CPXM2: variants seen among roughly 807,000 people sequenced by gnomAD.
The protein encoded by CPXM2 is inactive carboxypeptidase-like protein X2.
In CPXM2, 66 loss-of-function variants were observed where a neutral mutation model predicts 86.1. The ratio of observed to expected loss-of-function variants is 0.77; its 90% CI spans 0.63 to 0.94. The LOEUF (loss-of-function observed/expected upper bound fraction) is 0.94. Among genes scored for constraint, CPXM2 ranks in the 40% least tolerant of loss-of-function variants. The pLI, the probability that CPXM2 is intolerant of heterozygous loss-of-function variation, is 0.00. For missense variants in CPXM2, 948 were observed against 1,026.3 expected (o/e 0.92, Z 1.04); for synonymous variants, 388 against 400.2 (o/e 0.97, Z 0.36).
chr10:123,902,476 T>G (rs1945392697), intron 2 of CPXM2, among the ~76,000 whole-genome samples: 3 of 150,514 alleles, frequency 2.0e-5, no homozygotes, highest in Admixed American at 6.6e-5. Flanking sequence ...AGGGCTGCTA[T>G]AACAGAATAC....
At chr10:123,849,236 A>T (rs546876320) in intron 3 of CPXM2, among the ~76,000 whole-genome samples, 9 of 152,122 alleles carry the variant, frequency 5.9e-5, no homozygotes, top group African/African-American at 2.2e-4. Context: ...AATGCTAATG[A>T]GCTGTACCTT....
In CPXM2 at chr10:123,811,470, C is replaced by T. The variant is rs989030494; in HGVS notation, c.654-12271G>A. On this transcript the variant is annotated intron_variant, in intron 4 of 13. Coordinates refer to ENST00000241305, the MANE Select transcript of CPXM2 (RefSeq NM_198148.3). ...GGATTAGCTACTTAAATGTGACAAG[C>T]GAAACTTAAAACTTAAAAAACCTGA... Among the ~76,000 whole-genome samples, 5 of 151,886 alleles carry T rather than the reference C, an allele frequency of 3.3e-5. No individual in the cohort carries two copies. In the South Asian group the frequency reaches 6.3e-4, roughly 19 times the overall value.
At chr10:123,916,776 CTCTTT>C (rs1250558084) in intron 2 of CPXM2, among the ~76,000 whole-genome samples, 1 of 128,498 alleles carries the variant, frequency 7.8e-6, no homozygotes, top group Non-Finnish European at 1.8e-5. Flanking sequence ...CTCTCTCTCT[CTCTTT>C]TTTTTTTTTC....
intron 2 of CPXM2, among the ~76,000 whole-genome samples, chr10:123,911,501 T>G (rs1019899779): frequency 5.9e-5 from 9 of 151,628 alleles, no homozygotes; most frequent in East Asian, 2.0e-4. Context: ...CAAAAGTAAT[T>G]GTGGGTTTTG....
intron 6 of CPXM2, 88 bp from the exon 7 acceptor site, chr10:123,780,343 C>A: frequency 1.2e-6 from 1 of 860,534 alleles, no homozygotes; most frequent in South Asian, 1.4e-5. Flanking sequence ...ACTGCACGGA[C>A]AGTGCAGCCC....
At chr10:123,793,191 G>A (rs182562089) in intron 6 of CPXM2, among the ~76,000 whole-genome samples, 11 of 152,256 alleles carry the variant, frequency 7.2e-5, no homozygotes, top group Admixed American at 4.6e-4. Flanking sequence ...GAGGCTGGGC[G>A]CAGTGGCTCA....
intron 10 of CPXM2, among the ~76,000 whole-genome samples, chr10:123,763,092 T>A (rs1482183715): frequency 6.6e-6 from 1 of 152,104 alleles, no homozygotes; most frequent in Non-Finnish European, 1.5e-5. Context: ...CAGGCTGGAG[T>A]GCAGTGGCGC....
At chr10:123,937,866 T>A (rs1376164792) in intron 2 of CPXM2, among the ~76,000 whole-genome samples, 1 of 152,144 alleles carries the variant, frequency 6.6e-6, no homozygotes, top group Non-Finnish European at 1.5e-5. Flanking sequence ...GAAATGCCAA[T>A]GTCCCCTGCA....
intron 4 of CPXM2, among the ~76,000 whole-genome samples, chr10:123,835,346 C>A (rs986771814): frequency 6.6e-6 from 1 of 152,272 alleles, no homozygotes; most frequent in East Asian, 1.9e-4. Context: ...GAGATTTCCC[C>A]GTCTGAGAGC....
chr10:123,902,397 T>G (rs1483155920), intron 2 of CPXM2, among the ~76,000 whole-genome samples: 1 of 152,142 alleles, frequency 6.6e-6, no homozygotes, highest in Non-Finnish European at 1.5e-5. Flanking sequence ...AGAATTATGG[T>G]GAGAATTTAA....
chr10:123,887,607 G>A (rs1280911180), intron 1 of CPXM2, among the ~76,000 whole-genome samples: 1 of 152,130 alleles, frequency 6.6e-6, no homozygotes. Flanking sequence ...AGGGGGGAGG[G>A]TGCTACTGGC....
chr10:123,849,466 G>A (rs1848558841), intron 3 of CPXM2, among the ~76,000 whole-genome samples: 1 of 123,576 alleles, frequency 8.1e-6, no homozygotes, highest in South Asian at 2.5e-4. Context: ...TTGAGATGGA[G>A]TTTCGCTCTT....
chr10:123,923,557 G>A (rs1945595988), intron 2 of CPXM2, among the ~76,000 whole-genome samples: 1 of 151,578 alleles, frequency 6.6e-6, no homozygotes, highest in East Asian at 1.9e-4. Context: ...CTCCAGCCTG[G>A]GCGACAGAGC....
intron 2 of CPXM2, among the ~76,000 whole-genome samples, chr10:123,907,154 C>T (rs1159134773): frequency 6.6e-6 from 1 of 152,188 alleles, no homozygotes; most frequent in Non-Finnish European, 1.5e-5. Context: ...CGAGAGACTG[C>T]CACAGCGGTG....
chr10:123,882,374 T>C lies in CPXM2; in HGVS notation c.305-2065A>G, dbSNP rs189776533. ...ACTGCTTTGGCCTGTGTCCTGCTTC[T>C]GTGGGCGGGAACATCCCGGCTGGTG... On this transcript the variant is annotated intron_variant, in intron 1 of 13. Coordinates refer to ENST00000241305, the MANE Select transcript of CPXM2 (RefSeq NM_198148.3). Among the ~76,000 whole-genome samples, 71 of 152,302 alleles carry C rather than the reference T, an allele frequency of 4.7e-4. 1 individual carries two copies. In the East Asian group the frequency reaches 6.0e-3, roughly 13 times the overall value.
intron 2 of CPXM2, among the ~76,000 whole-genome samples, chr10:123,937,803 C>CTCTCTA (rs1242031319): frequency 1.3e-5 from 2 of 152,098 alleles, no homozygotes; most frequent in Non-Finnish European, 2.9e-5. Context: ...TTTCTAAAAT[C>CTCTCTA]AAAGCCTTTA....
intron 7 of CPXM2, among the ~76,000 whole-genome samples, chr10:123,773,380 A>G (rs750228502): frequency 6.6e-6 from 1 of 151,846 alleles, no homozygotes; most frequent in Non-Finnish European, 1.5e-5. Flanking sequence ...TGTGGTTATC[A>G]CTTCCTTTGT....
chr10:123,935,822 C>T (rs1003314764), intron 2 of CPXM2, among the ~76,000 whole-genome samples: 27 of 151,768 alleles, frequency 1.8e-4, no homozygotes, highest in Non-Finnish European at 2.7e-4. Flanking sequence ...GCATCTTCAT[C>T]GCCATCATCA....
chr10:123,835,593 A>T (rs568011316), intron 4 of CPXM2, among the ~76,000 whole-genome samples: 10 of 152,240 alleles, frequency 6.6e-5, no homozygotes, highest in African/African-American at 2.4e-4. Context: ...GAGTTTGGAA[A>T]CTTCTCTCTC....
Sources: gnomAD v4.1 joint callset for allele counts (sites outside exome capture counted in the v4.1 genomes callset) on GRCh38, gnomAD v4.1.1 for gene constraint, MANE v1.5 for transcripts, NCBI Gene and HGNC (gene_info 2026-07-23, HGNC 2026-07-21) for gene names.